Variants in NARF observed in about 807,000 individuals in gnomAD.
NARF encodes the protein nuclear prelamin A recognition factor.
Under a neutral mutation model 48.0 loss-of-function variants are expected in NARF, and 41 were observed. That is an observed-to-expected ratio of 0.85 (90% CI 0.66 to 1.11). The LOEUF (loss-of-function observed/expected upper bound fraction) is 1.11. NARF is among the 50% of genes least tolerant of loss of function. NARF has a pLI of 0.00. For synonymous variants in NARF, 215 were observed against 225.5 expected (o/e 0.95, Z 0.42); for missense variants, 613 against 590.2 (o/e 1.04, Z -0.40).
At chr17:82,459,097 C>G (rs1431004744) in intron 1 of NARF, 4 of 1,188,528 alleles carry the variant, frequency 3.4e-6, no homozygotes, top group Non-Finnish European at 3.1e-6. Context: ...GGAGACCGAG[C>G]CTCTCGTGCC....
rs1567945536 is a variant in NARF, at chr17:82,483,698, T to G, written c.770-18T>G. The G allele has an allele frequency of 1.2e-6, 2 of 1,613,628 alleles. No individual in the cohort carries two copies. Among genetic ancestry groups the G allele is most frequent in the East Asian group, 2.2e-5 (1 of 44,874 alleles). On this transcript the variant is annotated intron_variant, in intron 7 of 10. Coordinates refer to ENST00000309794, the MANE Select transcript of NARF (RefSeq NM_012336.4). ...GGCCACCTGTGTCTTTTCAGTGTCT[T>G]ACTTCGTTTGTCTGCAGGTGAAATT...
intron 2 of NARF, chr17:82,460,629 T>C (rs2043413852): frequency 6.6e-6 from 1 of 151,948 alleles, no homozygotes; most frequent in South Asian, 2.1e-4. Flanking sequence ...CCGGGCGTGG[T>C]GGGGGGCGCC....
At chr17:82,459,283 A>ATGGAG in intron 1 of NARF, 1 of 660,268 alleles carries the variant, frequency 1.5e-6, no homozygotes, top group Non-Finnish European at 1.9e-6. Flanking sequence ...AGGCCATGGC[A>ATGGAG]ACAACCGCGC....
chr17:82,469,986 C>A (rs1189588251), intron 4 of NARF, among the ~76,000 whole-genome samples: 2 of 152,000 alleles, frequency 1.3e-5, no homozygotes, highest in Non-Finnish European at 2.9e-5. Context: ...AATCCCAGCA[C>A]TTTGGAAGGC....
Position 82,484,715 on chromosome 17 carries a change from G to A in NARF, c.834-98G>A, listed in dbSNP as rs539675394. The A allele has an allele frequency of 6.2e-4, 880 of 1,429,510 alleles. 12 individuals are homozygous for A. The South Asian group carries it at 0.012, about 19-fold the overall frequency. 88.6% of individuals were successfully genotyped at this position (1,429,510 alleles called of 1,614,324 possible). On this transcript the variant is annotated intron_variant, in intron 8 of 10. Transcript: ENST00000309794. ...TACAGGATTTAGCTTCTTTGGTGGC[G>A]AACTTGGATTGTGATGCCCTCAGGA... is the stretch of plus-strand genomic sequence containing the variant.
At chr17:82,464,579 T>C in intron 3 of NARF, 149 bp downstream of exon 3, 1 of 979,748 alleles carries the variant, frequency 1.0e-6, no homozygotes, top group Non-Finnish European at 1.5e-6. Context: ...GCTTTGACCT[T>C]CCAAACCTCT....
In NARF at chr17:82,488,601, CT is replaced by C. The variant is rs2044149727; in HGVS notation, c.*445del. ...TGTTGGCCAGGCTGGTATTGAATTC[CT>C]GACCTCCTGATCCACCCGCCTTGGC... On this transcript the variant is annotated 3_prime_UTR_variant, in exon 11 of 11. Coordinates refer to ENST00000309794, the MANE Select transcript of NARF (RefSeq NM_012336.4). 1 of 163,366 alleles carries C rather than the reference CT, an allele frequency of 6.1e-6. No individual in the cohort carries two copies. The highest frequency in any genetic ancestry group is 1.4e-5 in the Non-Finnish European group (1 of 73,812). 10.1% of individuals were successfully genotyped at this position (163,366 alleles called of 1,614,324 possible). A position where few individuals can be genotyped will look rare whatever the true frequency, so the allele number is the denominator to read the frequency against.
upstream of NARF, chr17:82,458,519 T>A (rs1825759904): frequency 5.2e-6 from 2 of 388,240 alleles, no homozygotes; most frequent in Non-Finnish European, 4.6e-6. Context: ...GTACGTGGAG[T>A]GAGCCTGCGG....
intron 1 of NARF, chr17:82,459,193 C>G: frequency 9.5e-7 from 1 of 1,058,066 alleles, no homozygotes; most frequent in South Asian, 4.5e-5. Context: ...CGAACCTGCC[C>G]CTCTGAGGGT....
At position 82,478,792 on chromosome 17, in the gene NARF, C is replaced by T. The variant is rs777660118; in HGVS notation, c.521-8C>T. On this transcript the variant is annotated splice_region_variant and splice_polypyrimidine_tract_variant and intron_variant, in intron 5 of 10. Transcript: ENST00000309794. ...AAGGAGCTGACCGTGGATCCCTTCT[C>T]TCCCCAGGCTGGGTCCGATACGCCG... The T allele has an allele frequency of 2.5e-6, 4 of 1,612,082 alleles. No homozygotes were observed. Among genetic ancestry groups the T allele is most frequent in the Non-Finnish European group, 2.5e-6 (3 of 1,178,774 alleles).
chr17:82,478,439 C>G, intron 5 of NARF: 1 of 378,770 alleles, frequency 2.6e-6, no homozygotes, highest in Admixed American at 3.1e-5. Context: ...GCTGTAAGGA[C>G]GCTGTAGCTG....
chr17:82,470,058 C>T lies in NARF; in HGVS notation c.385+1162C>T, dbSNP rs187190426. Among the ~76,000 whole-genome samples the T allele has an allele frequency of 2.6e-4, 40 of 152,254 alleles. No homozygotes were observed. The Middle Eastern group carries it at 0.017, about 65-fold the overall frequency. ...ACCAGCCTCGACAACATAACAAGAT[C>T]CTATCTCTGCTAAATAAGTACATAA... On this transcript the variant is annotated intron_variant, in intron 4 of 10. Coordinates refer to ENST00000309794, the MANE Select transcript of NARF (RefSeq NM_012336.4).
At chr17:82,483,572 C>A in intron 7 of NARF, 144 bp from the exon 8 acceptor site, 2 of 689,118 alleles carry the variant, frequency 2.9e-6, no homozygotes, top group East Asian at 2.6e-5. Flanking sequence ...TCACTTTGCC[C>A]TTTAGATGGA....
At chr17:82,483,806 T>G (rs767674228) in intron 8 of NARF, 27 bp downstream of exon 8, 1 of 1,609,636 alleles carries the variant, frequency 6.2e-7, no homozygotes, top group South Asian at 1.1e-5. Flanking sequence ...GGGAGAGTCC[T>G]CTGGGGGGCA....
At chr17:82,486,782 A>G (rs543116867) in intron 10 of NARF, among the ~76,000 whole-genome samples, 15 of 152,304 alleles carry the variant, frequency 9.8e-5, no homozygotes, top group African/African-American at 3.6e-4. Flanking sequence ...GCCACCCTGG[A>G]ACCCATGGGG....
At chr17:82,464,776 G>A (rs1305984813) in intron 3 of NARF, among the ~76,000 whole-genome samples, 3 of 152,156 alleles carry the variant, frequency 2.0e-5, no homozygotes, top group Admixed American at 6.6e-5. Context: ...GTTCTGCCTC[G>A]GCTGCACGTT....
At chr17:82,474,549 A>G (rs1409949887) in intron 5 of NARF, among the ~76,000 whole-genome samples, 1 of 152,242 alleles carries the variant, frequency 6.6e-6, no homozygotes, top group African/African-American at 2.4e-5. Context: ...GGAGAGCTCT[A>G]TCTAAGCTAG....
At chr17:82,466,021 C>G (rs1187570700) in intron 3 of NARF, among the ~76,000 whole-genome samples, 1 of 152,206 alleles carries the variant, frequency 6.6e-6, no homozygotes, top group Non-Finnish European at 1.5e-5. Context: ...TGCCCCCCAC[C>G]CATCAGCCAG....
In NARF at chr17:82,484,883, A is replaced by G. The variant is rs140895483; in HGVS notation, c.904A>G (p.Ile302Val). ...CAGCTCAGACGGGCACCTGGCACACATCTTCAGACATGCGGCCAAGGAGCT... is the reference window on the plus strand; with the variant it reads ...CAGCTCAGACGGGCACCTGGCACACGTCTTCAGACATGCGGCCAAGGAGCT... ...GASSDGHLAH[I>V]FRHAAKELFN... The change falls in exon 9 of 11, where the codon ATC becomes GTC. Residue 302 changes from isoleucine (I) to valine (V), a missense_variant. Transcript: ENST00000309794. 9.5e-5 allele frequency: 154 copies of G among 1,613,416 alleles called. 1 individual carries two copies. The highest frequency in any genetic ancestry group is 1.5e-5 in the Non-Finnish European group (18 of 1,179,720).
Sources: allele counts gnomAD v4.1 joint callset (sites outside exome capture counted in the v4.1 genomes callset), GRCh38; gene constraint gnomAD v4.1.1; transcripts MANE v1.5; gene names NCBI Gene and HGNC (gene_info 2026-07-23, HGNC 2026-07-21).